The following TANGO2 variants were observed in gnomAD, a reference collection of about 807,000 sequenced individuals.
TANGO2 encodes the protein transport and Golgi organization protein 2 homolog.
Under a neutral mutation model 39.1 loss-of-function variants are expected in TANGO2, and 26 were observed. The observed-to-expected ratio is 0.67, with a 90% CI of 0.49 to 0.92. The LOEUF is 0.92. TANGO2 is among the 40% of genes least tolerant of loss of function. The pLI is 0.00. For missense variants in TANGO2, 326 were observed against 360.1 expected (o/e 0.91, Z 0.77); for synonymous variants, 131 against 144.5 (o/e 0.91, Z 0.67).
intron 8 of TANGO2, among the ~76,000 whole-genome samples, chr22:20,064,253 A>G (rs1163443506): frequency 6.6e-6 from 1 of 152,184 alleles, no homozygotes. Context: ...AGGCTGCCCT[A>G]TGCCTTGGCT....
At chr22:20,046,258 ACCTCAG>A (rs2045167416) in intron 3 of TANGO2, among the ~76,000 whole-genome samples, 1 of 151,018 alleles carries the variant, frequency 6.6e-6, no homozygotes, top group Non-Finnish European at 1.5e-5. Flanking sequence ...TGATCCTCCC[ACCTCAG>A]CCTCCCTAGT....
intron 2 of TANGO2, among the ~76,000 whole-genome samples, chr22:20,040,512 G>C (rs557847746): frequency 6.6e-6 from 1 of 152,228 alleles, no homozygotes; most frequent in African/African-American, 2.4e-5. Flanking sequence ...AGGTATTTAA[G>C]AGAGAATGCT....
chr22:20,035,188 G>A (rs562234645), intron 1 of TANGO2, among the ~76,000 whole-genome samples: 7 of 152,340 alleles, frequency 4.6e-5, no homozygotes, highest in South Asian at 4.1e-4. Context: ...GCGTCTGCAC[G>A]TGGCGCTTAT....
intron 1 of TANGO2, among the ~76,000 whole-genome samples, chr22:20,028,309 C>CT (rs1203146948): frequency 2.0e-5 from 3 of 152,188 alleles, no homozygotes; most frequent in Non-Finnish European, 4.4e-5. Context: ...TAGACAGGGA[C>CT]TTGCTGTGTT....
At chr22:20,040,700 G>T (rs745329445) in intron 2 of TANGO2, among the ~76,000 whole-genome samples, 1 of 152,228 alleles carries the variant, frequency 6.6e-6, no homozygotes, top group African/African-American at 2.4e-5. Context: ...TGGGGCAAGT[G>T]CACTGCCTTC....
intron 1 of TANGO2, among the ~76,000 whole-genome samples, chr22:20,031,404 A>G (rs369125002): frequency 3.3e-4 from 51 of 152,272 alleles, no homozygotes; most frequent in African/African-American, 1.1e-3. Flanking sequence ...TGGCTCAGGA[A>G]CCTCACCACC....
intron 2 of TANGO2, chr22:20,037,125 G>A: frequency 6.6e-7 from 1 of 1,508,768 alleles, no homozygotes. Flanking sequence ...GGGTCCAGGT[G>A]GGCTGCAGTT....
intron 1 of TANGO2, among the ~76,000 whole-genome samples, chr22:20,029,618 T>G (rs910201039): frequency 7.9e-5 from 12 of 151,518 alleles, no homozygotes; most frequent in African/African-American, 2.9e-4. Flanking sequence ...ACTCCAGGAG[T>G]GTGGGGGGAA....
In TANGO2 at chr22:20,051,764, C is replaced by T. The variant is rs540347025; in HGVS notation, c.146-701C>T. On this transcript the variant is annotated intron_variant, in intron 3 of 8. Coordinates refer to ENST00000327374, the MANE Select transcript of TANGO2 (RefSeq NM_152906.7). ...GCTACTTGGGCTGAGGTGGGAGGAT[C>T]GCTTGAGCCTGGGAGGTGGAGGTTG... Among the ~76,000 whole-genome samples the T allele has an allele frequency of 1.2e-4, 18 of 152,154 alleles. No individual in the cohort carries two copies. The East Asian group carries it at 1.7e-3, about 15-fold the overall frequency.
intron 2 of TANGO2, among the ~76,000 whole-genome samples, chr22:20,041,900 C>T (rs933942329): frequency 2.0e-5 from 3 of 152,148 alleles, no homozygotes; most frequent in Non-Finnish European, 4.4e-5. Context: ...TGGTTTCAGA[C>T]TCAGATTGTG....
intron 1 of TANGO2, among the ~76,000 whole-genome samples, chr22:20,029,792 A>G (rs2041490952): frequency 6.6e-6 from 1 of 152,208 alleles, no homozygotes; most frequent in African/African-American, 2.4e-5. Flanking sequence ...CCCTGCACAG[A>G]GGCTGTGCAT....
At chr22:20,052,440 G>T in intron 3 of TANGO2, 25 bp from the exon 4 acceptor site, 1 of 1,582,746 alleles carries the variant, frequency 6.3e-7, no homozygotes. Flanking sequence ...GGCATCAATG[G>T]TGGTAACACT....
upstream of TANGO2, chr22:20,019,300 G>A (rs1441023680): frequency 6.6e-6 from 1 of 152,194 alleles, no homozygotes; most frequent in African/African-American, 2.4e-5. Context: ...GCCACAGAAG[G>A]TAGTGAGCTT....
intron 2 of TANGO2, among the ~76,000 whole-genome samples, chr22:20,041,549 T>C (rs951658473): frequency 6.6e-6 from 1 of 152,022 alleles, no homozygotes; most frequent in African/African-American, 2.4e-5. Context: ...CTTGACCTCG[T>C]GATCCTCCCA....
At chr22:20,017,426 G>A (rs1386891267), upstream of TANGO2, among the ~76,000 whole-genome samples, 1 of 152,172 alleles carries the variant, frequency 6.6e-6, no homozygotes, top group Admixed American at 6.5e-5. Flanking sequence ...GGGAGACGAT[G>A]GAGGTAGGAG....
At position 20,057,855 on chromosome 22, in the gene TANGO2, C is replaced by T. The variant is rs2147702318; in HGVS notation, c.451+1842C>T. Reference sequence around the variant, plus strand: ...CACCCCCTCACTGTGAACATTGGCCCAGCGGCCTCTGGGGCAGTCGCTGTA... The same window carrying T: ...CACCCCCTCACTGTGAACATTGGCCTAGCGGCCTCTGGGGCAGTCGCTGTA... On this transcript the variant is annotated intron_variant, in intron 6 of 8. Transcript: ENST00000327374. The surrounding 1 kb of genome is among the most constrained non-coding windows in gnomAD (Gnocchi z 4.1). 6.6e-6 allele frequency among the ~76,000 whole-genome samples: 1 copy of T among 152,288 alleles called. No homozygotes were observed. Among genetic ancestry groups the T allele is most frequent in the Middle Eastern group, 3.4e-3 (1 of 292 alleles).
At chr22:20,048,059 G>A (rs2147366771) in intron 3 of TANGO2, 1 of 152,212 alleles carries the variant, frequency 6.6e-6, no homozygotes, top group East Asian at 1.9e-4. Context: ...TGAGTAGCTG[G>A]AATTACAGCC....
At chr22:20,026,554 A>G (rs903240558) in intron 1 of TANGO2, among the ~76,000 whole-genome samples, 2 of 152,272 alleles carry the variant, frequency 1.3e-5, no homozygotes, top group Non-Finnish European at 2.9e-5. Context: ...GGCTATTTCT[A>G]CTAGACAGCA....
intron 4 of TANGO2, 63 bp downstream of exon 4, chr22:20,052,647 A>T (rs1189763157): frequency 6.5e-7 from 1 of 1,531,010 alleles, no homozygotes; most frequent in East Asian, 2.5e-5. Context: ...TAGGTGAGAC[A>T]AGGTGGGGCC....
Sources: allele counts gnomAD v4.1 joint callset (sites outside exome capture counted in the v4.1 genomes callset), GRCh38; gene constraint gnomAD v4.1.1; non-coding constraint Gnocchi (gnomAD v3.1); transcripts MANE v1.5; gene names NCBI Gene and HGNC (gene_info 2026-07-23, HGNC 2026-07-21).